Variants in COL6A5 observed in about 807,000 individuals in gnomAD.
The protein encoded by COL6A5 is collagen alpha-5(VI) chain.
COL6A5 carries 48 observed loss-of-function variants against 65.6 expected under a neutral mutation model. The ratio of observed to expected loss-of-function variants is 0.73; its 90% CI spans 0.58 to 0.93. The LOEUF (loss-of-function observed/expected upper bound fraction) is 0.93. COL6A5 is among the 40% of genes least tolerant of loss of function. The pLI is 0.00. For synonymous variants in COL6A5, 291 were observed against 322.8 expected (o/e 0.90, Z 1.05); for missense variants, 914 against 928.3 (o/e 0.98, Z 0.20).
chr3:130,406,258 C>G lies in COL6A5; in HGVS notation c.4426-10C>G. Reference sequence around the variant, plus strand: ...TAAGTGGGAATTTTGTTTTTCTTGTCTTCTTTTAGGGCTGTCATGGATTTC... The same window carrying G: ...TAAGTGGGAATTTTGTTTTTCTTGTGTTCTTTTAGGGCTGTCATGGATTTC... On this transcript the variant is annotated splice_polypyrimidine_tract_variant and intron_variant and NMD_transcript_variant, in intron 16 of 41. Transcript: ENST00000312481. 6.5e-7 allele frequency: 1 copy of G among 1,550,202 alleles called. No individual in the cohort carries two copies. Among genetic ancestry groups the G allele is most frequent in the Non-Finnish European group, 8.7e-7 (1 of 1,146,030 alleles).
chr3:130,399,020 G>T (rs1005862663), intron 10 of COL6A5, among the ~76,000 whole-genome samples: 1 of 152,166 alleles, frequency 6.6e-6, no homozygotes, highest in Admixed American at 6.5e-5. Context: ...AGCACTTCTC[G>T]CTATATATTT....
intron 7 of COL6A5, 70 bp downstream of exon 7, chr3:130,391,824 C>G: frequency 8.6e-7 from 1 of 1,165,220 alleles, no homozygotes; most frequent in Non-Finnish European, 1.2e-6. Flanking sequence ...AATCATAAGT[C>G]TCAGGTCTCC....
intron 6 of COL6A5, among the ~76,000 whole-genome samples, chr3:130,390,848 G>A (rs746855280): frequency 6.6e-6 from 1 of 152,142 alleles, no homozygotes; most frequent in Non-Finnish European, 1.5e-5. Flanking sequence ...TTCTAACGTT[G>A]CCTTTCAGTT....
intron 8 of COL6A5, among the ~76,000 whole-genome samples, chr3:130,396,949 G>A (rs1936622835): frequency 1.3e-5 from 2 of 152,150 alleles, no homozygotes; most frequent in African/African-American, 4.8e-5. Context: ...TGCAAGCTCT[G>A]CCTCCCGGGT....
At chr3:130,472,858 T>TATATATATACAC (rs1198559167) in intron 7 of COL6A5, among the ~76,000 whole-genome samples, 10 of 141,852 alleles carry the variant, frequency 7.0e-5, no homozygotes, top group African/African-American at 2.6e-4. Context: ...TATATATATA[T>TATATATATACAC]ACACATTTAT....
At chr3:130,393,251 C>T (rs1936467439) in intron 7 of COL6A5, among the ~76,000 whole-genome samples, 1 of 152,084 alleles carries the variant, frequency 6.6e-6, no homozygotes, top group African/African-American at 2.4e-5. Context: ...CATCTTTGTG[C>T]ACACTATCCT....
chr3:130,460,039 A>G (rs2107604950), intron 5 of COL6A5, among the ~76,000 whole-genome samples: 1 of 152,120 alleles, frequency 6.6e-6, no homozygotes, highest in African/African-American at 2.4e-5. Flanking sequence ...TTCCTTCTCA[A>G]TTTTGCTGTC....
intron 2 of COL6A5, among the ~76,000 whole-genome samples, chr3:130,375,616 A>G (rs1243822154): frequency 6.6e-6 from 1 of 152,146 alleles, no homozygotes; most frequent in Non-Finnish European, 1.5e-5. Context: ...TTACACTGCT[A>G]TGAAGAAATA....
At chr3:130,379,586 A>G in exon 4 of COL6A5, 1 of 1,551,492 alleles carries the variant, frequency 6.4e-7, no homozygotes, top group Non-Finnish European at 8.7e-7. Context: ...CTGATGAGTT[A>G]CAGCAATAGT....
At chr3:130,484,152 C>G in exon 8 of COL6A5, 2 of 1,173,766 alleles carry the variant, frequency 1.7e-6, no homozygotes, top group South Asian at 1.9e-5. Flanking sequence ...TGGTAAATGA[C>G]AGGGACTTTT....
intron 1 of COL6A5, among the ~76,000 whole-genome samples, chr3:130,432,486 G>A (rs6802378): frequency 0.56 from 83,810 of 150,828 alleles, 25,688 homozygotes; most frequent in Non-Finnish European, 0.7. Context: ...GGGAGTTGGA[G>A]GTTGTGGTGA....
At chr3:130,470,567 C>G (rs1029526225) in intron 6 of COL6A5, among the ~76,000 whole-genome samples, 37 of 151,612 alleles carry the variant, frequency 2.4e-4, no homozygotes, top group African/African-American at 8.2e-4. Flanking sequence ...AAAAAATAGT[C>G]TTCTAGAAAG....
intron 7 of COL6A5, 56 bp downstream of exon 7, chr3:130,391,810 AG>A: frequency 1.5e-6 from 2 of 1,323,126 alleles, no homozygotes; most frequent in African/African-American, 3.0e-5. Context: ...TTAAACAAAA[AG>A]TAAATCATAA....
intron 3 of COL6A5, 74 bp from the exon 4 acceptor site, chr3:130,379,344 A>G (rs1463518291): frequency 8.3e-6 from 11 of 1,319,774 alleles, no homozygotes; most frequent in African/African-American, 1.5e-5. Context: ...AATGTGCTTG[A>G]TAATGTAAAA....
chr3:130,401,147 C>G, exon 11 of COL6A5: 2 of 1,545,224 alleles, frequency 1.3e-6, no homozygotes, highest in Non-Finnish European at 1.7e-6. Context: ...AATGAGAGAA[C>G]TGGGCAAAAA....
chr3:130,446,278 T>C (rs914624013), intron 4 of COL6A5, among the ~76,000 whole-genome samples: 1 of 150,188 alleles, frequency 6.7e-6, no homozygotes, highest in African/African-American at 2.5e-5. Flanking sequence ...TCTATCCAGG[T>C]GAGAGGTCGA....
At chr3:130,413,716 A>G in intron 21 of COL6A5, 136 bp downstream of exon 21, 1 of 894,434 alleles carries the variant, frequency 1.1e-6, no homozygotes, top group Admixed American at 2.2e-5. Context: ...CGTGATCCCC[A>G]CTGACCCAAT....
chr3:130,428,875 C>G (rs1354889377), upstream of COL6A5, among the ~76,000 whole-genome samples: 1 of 152,126 alleles, frequency 6.6e-6, no homozygotes, highest in Non-Finnish European at 1.5e-5. Context: ...TTAATAATAT[C>G]TTTTATTATA....
intron 5 of COL6A5, among the ~76,000 whole-genome samples, chr3:130,385,568 A>G (rs1936157887): frequency 6.6e-6 from 1 of 152,070 alleles, no homozygotes. Context: ...AGTTGCCCCA[A>G]GGCCATCTTG....
Sources: allele counts gnomAD v4.1 joint callset (sites outside exome capture counted in the v4.1 genomes callset), GRCh38; gene constraint gnomAD v4.1.1; transcripts MANE v1.5; gene names NCBI Gene and HGNC (gene_info 2026-07-23, HGNC 2026-07-21).